Variants in IDH1 observed in about 807,000 individuals in gnomAD.
IDH1 encodes isocitrate dehydrogenase (NADP(+)) 1.
A neutral mutation model predicts 46.1 loss-of-function variants in IDH1; 33 were observed. The ratio of observed to expected loss-of-function variants is 0.72; its 90% CI spans 0.54 to 0.96. The LOEUF (loss-of-function observed/expected upper bound fraction) is 0.96, where lower values mean the gene tolerates loss of function less well. Ranked by LOEUF, IDH1 falls within the 40% of genes least tolerant of loss-of-function variation. The pLI is 0.00. For synonymous variants in IDH1, 144 were observed against 172.8 expected (o/e 0.83, Z 1.31); for missense variants, 421 against 515.7 (o/e 0.82, Z 1.78).
chr2:208,239,799 GA>G, intron 8 of IDH1, 63 bp downstream of exon 8: 4 of 1,527,322 alleles, frequency 2.6e-6, no homozygotes, highest in Non-Finnish European at 3.6e-6. Flanking sequence ...GCAGCCAAGG[GA>G]ACACATCTGG....
At chr2:208,251,298 G>A (rs1688118865) in intron 3 of IDH1, 132 bp downstream of exon 3, 1 of 830,964 alleles carries the variant, frequency 1.2e-6, no homozygotes, top group Admixed American at 2.2e-5. Context: ...TGCCCAGGCT[G>A]GACTTGAATT....
intron 4 of IDH1, 136 bp downstream of exon 4, chr2:208,248,233 T>C (rs898006320): frequency 1.4e-6 from 1 of 728,436 alleles, no homozygotes. Flanking sequence ...GTTATACATA[T>C]ATGCATTTCT....
intron 3 of IDH1, 79 bp downstream of exon 3, chr2:208,251,350 CT>C (rs1688119643): frequency 6.6e-7 from 1 of 1,505,296 alleles, no homozygotes; most frequent in Non-Finnish European, 9.2e-7. Context: ...TCCTAAGTAG[CT>C]GGGACTTCAC....
chr2:208,253,107 C>G (rs1688153427), intron 2 of IDH1, among the ~76,000 whole-genome samples: 1 of 152,194 alleles, frequency 6.6e-6, no homozygotes, highest in Non-Finnish European at 1.5e-5. Context: ...TATGATGCAA[C>G]AGTCATGACA....
chr2:208,239,313 C>T, intron 8 of IDH1, 80 bp from the exon 9 acceptor site: 1 of 1,468,534 alleles, frequency 6.8e-7, no homozygotes, highest in Non-Finnish European at 9.4e-7. Flanking sequence ...TTCCCCAAAA[C>T]AGAATAGTTT....
chr2:208,246,659 G>A (rs1688027766), intron 4 of IDH1, among the ~76,000 whole-genome samples: 2 of 147,316 alleles, frequency 1.4e-5, no homozygotes, highest in Admixed American at 1.4e-4. Context: ...AAAAGAGGAA[G>A]GCCGGGCATG....
intron 9 of IDH1, among the ~76,000 whole-genome samples, chr2:208,238,262 C>T (rs759070497): frequency 3.3e-5 from 5 of 152,014 alleles, no homozygotes; most frequent in Non-Finnish European, 7.4e-5. Context: ...GTCTTGATCT[C>T]CTGACCTCGT....
chr2:208,236,441 A>G lies in IDH1; in HGVS notation c.*638T>C, dbSNP rs1574399282. ...AGGCCAGGCCAGGAGGAGAAAGAGAAAAATGGAGAGGACAAACCTCCAGGT... is the reference window on the plus strand; with the variant it reads ...AGGCCAGGCCAGGAGGAGAAAGAGAGAAATGGAGAGGACAAACCTCCAGGT... On this transcript the variant is annotated 3_prime_UTR_variant, in exon 10 of 10. Coordinates refer to ENST00000345146, the MANE Select transcript of IDH1 (RefSeq NM_005896.4). 1 of 232,100 alleles carries G rather than the reference A, an allele frequency of 4.3e-6. No individual in the cohort carries two copies. 14.4% of individuals were successfully genotyped at this position (232,100 alleles called of 1,614,324 possible).
chr2:208,239,219 A>G lies in IDH1; in HGVS notation c.1006T>C (p.Trp336Arg), dbSNP rs2124847759. 6.2e-7 allele frequency: 1 copy of G among 1,614,118 alleles called. No homozygotes were observed. Among genetic ancestry groups the G allele is most frequent in the Non-Finnish European group, 8.5e-7 (1 of 1,179,994 alleles). Reference sequence around the variant, plus strand: ...GCTCTGTGGGCTAACCCTCTGGTCCAGGCAAAAATGGAAGCTAAAAGAGGG... The same window carrying G: ...GCTCTGTGGGCTAACCCTCTGGTCCGGGCAAAAATGGAAGCTAAAAGAGGG... ...STNPIASIFA[W>R]TRGLAHRAKL... Residue 336 changes from tryptophan (W) to arginine (R), a missense_variant, in exon 9 of 10, where the codon TGG becomes CGG. Transcript: ENST00000345146.
At position 208,237,117 on chromosome 2, in the gene IDH1, C is replaced by T; in HGVS notation, c.1207G>A (p.Glu403Lys). 2 of 1,610,334 alleles carry T rather than the reference C, an allele frequency of 1.2e-6. No individual in the cohort carries two copies. The highest frequency in any genetic ancestry group is 1.7e-6 in the Non-Finnish European group (2 of 1,176,998). ...NTFEFMDKLGENLKIKLAQAK... is the reference protein window; with the variant it reads ...NTFEFMDKLGKNLKIKLAQAK... ...TGAGCTAGTTTGATCTTCAAGTTTT[C>T]TCCAAGTTTATCCATGAACTCAAAT... The change falls in exon 10 of 10, where the codon GAA (glutamate) becomes AAA (lysine). Residue 403 changes from glutamate to lysine, a missense_variant. Physicochemically the swap from Glu to Lys is moderately conservative, Grantham distance 56. Transcript: ENST00000345146.
chr2:208,250,664 C>T (rs1000183975), intron 3 of IDH1, among the ~76,000 whole-genome samples: 12 of 152,006 alleles, frequency 7.9e-5, no homozygotes, highest in South Asian at 2.1e-4. Flanking sequence ...AAAAACACAG[C>T]GAAAAAAATG....
chr2:208,253,402 G>C (rs561567693), intron 2 of IDH1, among the ~76,000 whole-genome samples: 138 of 152,236 alleles, frequency 9.1e-4, no homozygotes, highest in Non-Finnish European at 1.5e-3. Context: ...ATTTCCATGG[G>C]ATGGGCTTGA....
At chr2:208,254,647 T>C (rs1688181980) in intron 1 of IDH1, among the ~76,000 whole-genome samples, 1 of 152,230 alleles carries the variant, frequency 6.6e-6, no homozygotes, top group South Asian at 2.1e-4. Context: ...CCAACCCAAG[T>C]GCAGACCTGA....
chr2:208,248,300 A>C, intron 4 of IDH1, 69 bp downstream of exon 4: 1 of 1,414,294 alleles, frequency 7.1e-7, no homozygotes, highest in Non-Finnish European at 1.0e-6. Flanking sequence ...TAAAACACAT[A>C]CAAGTTGGAA....
At chr2:208,241,119 G>T (rs1687909982) in intron 7 of IDH1, among the ~76,000 whole-genome samples, 2 of 152,154 alleles carry the variant, frequency 1.3e-5, no homozygotes, top group African/African-American at 4.8e-5. Flanking sequence ...CTGTTGATTT[G>T]GCCCTTACCC....
At chr2:208,253,276 C>T (rs887183443) in intron 2 of IDH1, among the ~76,000 whole-genome samples, 6 of 152,228 alleles carry the variant, frequency 3.9e-5, no homozygotes, top group African/African-American at 7.2e-5. Flanking sequence ...ATACTTCAGA[C>T]GCTTCAGGTT....
intron 7 of IDH1, 36 bp downstream of exon 7, chr2:208,241,958 G>T: frequency 1.2e-6 from 2 of 1,607,312 alleles, no homozygotes; most frequent in South Asian, 2.2e-5. Flanking sequence ...ACCCTGGAAT[G>T]ACCCTGTTCC....
chr2:208,239,081 C>CT lies in IDH1; in HGVS notation c.1143dup (p.Gly382ArgfsTer9), dbSNP rs763043045. On this transcript the variant is annotated frameshift_variant, in exon 9 of 10. Transcript: ENST00000345146. LOFTEE classifies it high-confidence loss of function. ...GCATCTTATACTTACTTGGGTAAAC[C>CT]TTTAATGCAAGCAGCCAAGTCCTTG... 1 of 1,613,696 alleles carries CT rather than the reference C, an allele frequency of 6.2e-7. No individual in the cohort carries two copies. Among genetic ancestry groups the CT allele is most frequent in the Non-Finnish European group, 8.5e-7 (1 of 1,179,808 alleles).
Position 208,246,929 on chromosome 2 carries a change from C to G in IDH1, c.414+1440G>C, listed in dbSNP as rs530490960. On this transcript the variant is annotated intron_variant, in intron 4 of 9. Transcript: ENST00000345146. The stretch of plus-strand genomic sequence containing the variant: ...CTGCACTCCAGCCTGGGCGACAGAG[C>G]GAGACTCTGTCTCAAAAACAAAAAA... Among the ~76,000 whole-genome samples, 4 of 152,148 alleles carry G rather than the reference C, an allele frequency of 2.6e-5. No individual in the cohort carries two copies. In the East Asian group the frequency reaches 5.8e-4, roughly 22 times the overall value.
Sources: allele counts gnomAD v4.1 joint callset (sites outside exome capture counted in the v4.1 genomes callset), GRCh38; gene constraint gnomAD v4.1.1; transcripts MANE v1.5; gene names NCBI Gene and HGNC (gene_info 2026-07-23, HGNC 2026-07-21).